The following BNC1 variants were observed in gnomAD, a reference collection of about 807,000 sequenced individuals.
The protein encoded by BNC1 is basonuclin zinc finger protein 1, also known as zinc finger protein basonuclin-1.
A neutral mutation model predicts 66.5 loss-of-function variants in BNC1; 8 were observed. The ratio of observed to expected loss-of-function variants is 0.12; its 90% CI spans 0.07 to 0.22. The LOEUF (loss-of-function observed/expected upper bound fraction) is 0.22. Ranked by LOEUF, BNC1 falls within the 10% of genes least tolerant of loss-of-function variation. BNC1 has a pLI of 1.00. For synonymous variants in BNC1, 454 were observed against 452.6 expected (o/e 1.00, Z -0.04); for missense variants, 1,069 against 1,241.3 (o/e 0.86, Z 2.09).
intron 4 of BNC1, 47 bp downstream of exon 4, chr15:83,262,904 T>TG: frequency 6.6e-7 from 1 of 1,523,168 alleles, no homozygotes; most frequent in Non-Finnish European, 8.8e-7. Flanking sequence ...ATGTTAAACT[T>TG]GAAGAGCCAC....
chr15:83,265,696 G>A (rs73438944), intron 3 of BNC1, among the ~76,000 whole-genome samples: 1,683 of 152,262 alleles, frequency 0.011, 35 homozygotes, highest in African/African-American at 0.038. Context: ...TTTTACAGGG[G>A]AAGATTATGG....
rs149011749 is a variant in BNC1 at position 83,257,577 on chromosome 15, C to T, written c.2850G>A (p.Val950=). 6.2e-6 allele frequency: 10 copies of T among 1,614,078 alleles called. No homozygotes were observed. The African/African-American group carries it at 1.2e-4, about 19-fold the overall frequency. The change falls in exon 5 of 5, where the codon GTG becomes GTA. Residue 950 remains valine (V), a synonymous_variant. Transcript: ENST00000345382. ...TGCATTTGTGGAGCTGCCGGAGGTGCACAGTTTTGTAGTGGGCCCTAAAGG... is the reference window on the plus strand; with the variant it reads ...TGCATTTGTGGAGCTGCCGGAGGTGTACAGTTTTGTAGTGGGCCCTAAAGG... ...KGTFRAHYKT[V]HLRQLHKCKV...
chr15:83,273,167 T>C (rs534914908), intron 1 of BNC1, among the ~76,000 whole-genome samples: 51 of 152,312 alleles, frequency 3.3e-4, no homozygotes, highest in African/African-American at 1.2e-3. Context: ...ATAAAGCTCA[T>C]TAAACATCTA....
intron 1 of BNC1, chr15:83,283,217 G>A (rs1392914883): frequency 6.5e-7 from 1 of 1,535,686 alleles, no homozygotes; most frequent in Non-Finnish European, 8.7e-7. Context: ...CCGCATTTGT[G>A]AAAGTTTGGC....
In BNC1 at chr15:83,264,405, C is replaced by T. The variant is rs2038191533; in HGVS notation, c.846G>A (p.Gly282=). Residue 282 remains glycine, a synonymous_variant, in exon 4 of 5, where the codon GGG becomes GGA. Coordinates refer to ENST00000345382, the MANE Select transcript of BNC1 (RefSeq NM_001717.4). ...TTAAGAAGCTGCTGTCAGGGAAGGG[C>T]CCATGGACTTCCTGTTTGGGGTCCT... The part of the protein sequence containing the change: ...QSQDPKQEVH[G]PFPDSSFLTS... 6.2e-7 allele frequency: 1 copy of T among 1,614,134 alleles called. No homozygotes were observed. Among genetic ancestry groups the T allele is most frequent in the Non-Finnish European group, 8.5e-7 (1 of 1,180,024 alleles).
chr15:83,265,081 A>G (rs2038202216), intron 3 of BNC1, among the ~76,000 whole-genome samples: 1 of 152,312 alleles, frequency 6.6e-6, no homozygotes, highest in South Asian at 2.1e-4. Flanking sequence ...GAAGTCAGGG[A>G]AATGTAGTGA....
In BNC1 at chr15:83,257,126, A is replaced by C; in HGVS notation, c.*316T>G. Reference sequence around the variant, plus strand: ...AAAGCCACCCCCAGGTCCTGGGCCCACTGGTGTCGATCTGCAGACCTGGAT... The same window carrying C: ...AAAGCCACCCCCAGGTCCTGGGCCCCCTGGTGTCGATCTGCAGACCTGGAT... On this transcript the variant is annotated 3_prime_UTR_variant, in exon 5 of 5. Coordinates refer to ENST00000345382, the MANE Select transcript of BNC1 (RefSeq NM_001717.4). The C allele has an allele frequency of 2.7e-6, 1 of 372,414 alleles. No homozygotes were observed. The highest frequency in any genetic ancestry group is 4.9e-6 in the Non-Finnish European group (1 of 206,126). The allele number at this position is 372,414 out of a possible 1,614,324, so 23.1% of individuals were successfully genotyped here. A position where few individuals can be genotyped will look rare whatever the true frequency, so the allele number is the denominator to read the frequency against.
At chr15:83,271,016 C>T (rs2038264525) in intron 1 of BNC1, among the ~76,000 whole-genome samples, 1 of 152,168 alleles carries the variant, frequency 6.6e-6, no homozygotes, top group South Asian at 2.1e-4. Context: ...TGGCTCACGC[C>T]TGTAATCCTA....
intron 1 of BNC1, among the ~76,000 whole-genome samples, chr15:83,277,483 G>T (rs765685661): frequency 2.0e-5 from 3 of 152,140 alleles, no homozygotes; most frequent in Non-Finnish European, 4.4e-5. Flanking sequence ...CTAACTTTTT[G>T]TATTTTTAGT....
At chr15:83,284,226 G>C (rs979867601) in intron 1 of BNC1, among the ~76,000 whole-genome samples, 1 of 152,020 alleles carries the variant, frequency 6.6e-6, no homozygotes, top group African/African-American at 2.4e-5. Context: ...TGCCGCCGCC[G>C]ATTTCCACAG....
At chr15:83,275,388 T>C (rs2038309634) in intron 1 of BNC1, among the ~76,000 whole-genome samples, 1 of 149,190 alleles carries the variant, frequency 6.7e-6, no homozygotes, top group Admixed American at 6.8e-5. Context: ...CCCAGCTACT[T>C]GGGAGGCTGA....
intron 4 of BNC1, among the ~76,000 whole-genome samples, chr15:83,258,950 T>C (rs2038113857): frequency 6.6e-6 from 1 of 152,258 alleles, no homozygotes; most frequent in Non-Finnish European, 1.5e-5. Flanking sequence ...AGCATTGACA[T>C]ACACTTCATC....
At chr15:83,258,207 A>T in intron 4 of BNC1, 81 bp from the exon 5 acceptor site, 1 of 1,412,116 alleles carries the variant, frequency 7.1e-7, no homozygotes, top group Non-Finnish European at 9.6e-7. Context: ...GACTTGGTAG[A>T]TACCAGGAAA....
intron 1 of BNC1, among the ~76,000 whole-genome samples, chr15:83,272,394 CTTTTT>C (rs750429207): frequency 4.1e-5 from 5 of 122,726 alleles, no homozygotes; most frequent in African/African-American, 1.7e-4. Flanking sequence ...CCACACCTGG[CTTTTT>C]TTTTTTTTTT....
intron 4 of BNC1, among the ~76,000 whole-genome samples, chr15:83,262,045 G>GTTTTTTT (rs5814139): frequency 9.0e-6 from 1 of 110,538 alleles, no homozygotes; most frequent in Non-Finnish European, 1.8e-5. Flanking sequence ...ACTAGTTCAT[G>GTTTTTTT]TTTTTTTTTT....
rs1021377126 is a variant in BNC1, at chr15:83,257,523, C to T, written c.2904G>A (p.Ser968=). The T allele has an allele frequency of 9.3e-6, 15 of 1,613,972 alleles. No homozygotes were observed. Among genetic ancestry groups the T allele is most frequent in the African/African-American group, 4.0e-5 (3 of 74,884 alleles). ...CKVPGCNTMF[S]SVRSRNRHSQ... ...TGTGTCTGTTTCGACTGCGAACAGA[C>T]GAAAACATGGTGTTGCAGCCTGGTA... The change falls in exon 5 of 5, where the codon TCG becomes TCA. Residue 968 remains serine (S), a synonymous_variant. Transcript: ENST00000345382.
chr15:83,280,759 GT>G (rs1163110206), intron 1 of BNC1, among the ~76,000 whole-genome samples: 6 of 152,184 alleles, frequency 3.9e-5, no homozygotes, highest in Non-Finnish European at 7.3e-5. Flanking sequence ...TGAGGTTTGA[GT>G]ATTTGGTAGG....
intron 1 of BNC1, chr15:83,283,257 CT>C: frequency 6.5e-7 from 1 of 1,534,698 alleles, no homozygotes. Flanking sequence ...AATATCAGAT[CT>C]CCTTCACTCG....
intron 1 of BNC1, among the ~76,000 whole-genome samples, chr15:83,281,075 C>T (rs1365977659): frequency 6.6e-6 from 1 of 152,068 alleles, no homozygotes; most frequent in African/African-American, 2.4e-5. Flanking sequence ...TTGAGAAGGC[C>T]CAAAATTGGA....
Sources: gnomAD v4.1 joint callset for allele counts (sites outside exome capture counted in the v4.1 genomes callset) on GRCh38, gnomAD v4.1.1 for gene constraint, MANE v1.5 for transcripts, NCBI Gene and HGNC (gene_info 2026-07-23, HGNC 2026-07-21) for gene names.